The following PCDH9 variants were observed in gnomAD, a reference collection of about 807,000 sequenced individuals.
PCDH9 encodes the protein protocadherin 9, also known as protocadherin-9.
In PCDH9, 24 loss-of-function variants were observed where a neutral mutation model predicts 70.6. That is an observed-to-expected ratio of 0.34 (90% confidence interval 0.25 to 0.48). The LOEUF (loss-of-function observed/expected upper bound fraction) is 0.48. Ranked by LOEUF, PCDH9 falls within the 20% of genes least tolerant of loss-of-function variation. PCDH9 has a pLI of 0.99. For missense variants in PCDH9, 1,281 were observed against 1,503.6 expected (o/e 0.85, Z 2.45); for synonymous variants, 562 against 558.5 (o/e 1.01, Z -0.09).
intron 3 of PCDH9, among the ~76,000 whole-genome samples, chr13:66,807,900 C>A (rs2080436607): frequency 6.6e-6 from 1 of 152,100 alleles, no homozygotes; most frequent in Non-Finnish European, 1.5e-5. Flanking sequence ...CTAAAGAAGT[C>A]AGATATACAG....
At chr13:66,777,287 A>C (rs1383340185) in intron 3 of PCDH9, among the ~76,000 whole-genome samples, 2 of 151,750 alleles carry the variant, frequency 1.3e-5, no homozygotes, top group African/African-American at 4.8e-5. Flanking sequence ...AATGGGATCT[A>C]ATTAAACTAA....
intron 3 of PCDH9, among the ~76,000 whole-genome samples, chr13:66,838,692 T>C (rs2081065908): frequency 6.6e-6 from 1 of 152,134 alleles, no homozygotes; most frequent in Non-Finnish European, 1.5e-5. Context: ...TGTATGAGTT[T>C]ATAGCCATGT....
At chr13:66,397,260 A>C (rs984390943) in intron 4 of PCDH9, among the ~76,000 whole-genome samples, 1 of 152,066 alleles carries the variant, frequency 6.6e-6, no homozygotes, top group Non-Finnish European at 1.5e-5. Flanking sequence ...CTCTACAAAA[A>C]AATTTAAAAG....
At chr13:66,348,906 T>C (rs1238526213) in intron 4 of PCDH9, among the ~76,000 whole-genome samples, 1 of 152,152 alleles carries the variant, frequency 6.6e-6, no homozygotes, top group African/African-American at 2.4e-5. Flanking sequence ...TTATCACACT[T>C]GTAACCTTTC....
intron 2 of PCDH9, among the ~76,000 whole-genome samples, chr13:66,906,674 T>C (rs1375875340): frequency 6.6e-6 from 1 of 152,206 alleles, no homozygotes; most frequent in Admixed American, 6.5e-5. Context: ...TACTGTTCTT[T>C]CCTTACTTTT....
In PCDH9 at chr13:66,521,115, C is replaced by T. The variant is rs946646144; in HGVS notation, c.3340+110095G>A. Among the ~76,000 whole-genome samples, 32 of 152,112 alleles carry T rather than the reference C, an allele frequency of 2.1e-4. 1 individual carries two copies. The highest frequency in any genetic ancestry group is 2.4e-5 in the African/African-American group (1 of 41,416). On this transcript the variant is annotated intron_variant, in intron 4 of 4. Coordinates refer to ENST00000377865, the MANE Select transcript of PCDH9 (RefSeq NM_203487.3). Reference sequence around the variant, plus strand: ...CTTCATTTGGAAGACAGCTTGCATACCTATTCCAAAGATTAATGAGCAATC... The same window carrying T: ...CTTCATTTGGAAGACAGCTTGCATATCTATTCCAAAGATTAATGAGCAATC...
chr13:66,974,494 G>T (rs2139754605), intron 2 of PCDH9, among the ~76,000 whole-genome samples: 1 of 152,078 alleles, frequency 6.6e-6, no homozygotes, highest in Middle Eastern at 3.4e-3. Context: ...AAGAAGTAGG[G>T]AAGTGGGTAG....
chr13:66,965,687 T>G (rs2083423202), intron 2 of PCDH9, among the ~76,000 whole-genome samples: 1 of 152,092 alleles, frequency 6.6e-6, no homozygotes, highest in Admixed American at 6.6e-5. Flanking sequence ...ATTTATTGTA[T>G]TGCTTATGAA....
intron 4 of PCDH9, among the ~76,000 whole-genome samples, chr13:66,567,275 A>G (rs540087334): frequency 5.3e-5 from 8 of 152,078 alleles, no homozygotes; most frequent in Non-Finnish European, 1.2e-4. Flanking sequence ...ATTAGGGAGG[A>G]AAAGTTTGCA....
At chr13:66,376,600 A>G (rs1218562501) in intron 4 of PCDH9, among the ~76,000 whole-genome samples, 1 of 152,184 alleles carries the variant, frequency 6.6e-6, no homozygotes, top group African/African-American at 2.4e-5. Context: ...CCCAAACAAA[A>G]GAAAAAATAC....
In PCDH9 at chr13:67,228,479, T is replaced by C; in HGVS notation, c.-39A>G. 6.6e-7 allele frequency: 1 copy of C among 1,511,248 alleles called. No individual in the cohort carries two copies. The highest frequency in any genetic ancestry group is 2.3e-5 in the East Asian group (1 of 43,948). The allele number at this position is 1,511,248 out of a possible 1,614,324, so 93.6% of individuals were successfully genotyped here. On this transcript the variant is annotated 5_prime_UTR_variant, in exon 2 of 5. An upstream open reading frame in the 5' UTR loses its in-frame stop. Coordinates refer to ENST00000377865, the MANE Select transcript of PCDH9 (RefSeq NM_203487.3). ...TTTTCTTTTCCTGGATTTTAGGGTT[T>C]AAAGGTTTCCACTGAGGAATGATGC...
At chr13:67,078,208 C>G (rs969247001) in intron 2 of PCDH9, among the ~76,000 whole-genome samples, 1 of 152,108 alleles carries the variant, frequency 6.6e-6, no homozygotes, top group Non-Finnish European at 1.5e-5. Flanking sequence ...TTCTTCCCAC[C>G]AAAGGCTGAG....
chr13:66,809,307 T>C (rs542601378), intron 3 of PCDH9, among the ~76,000 whole-genome samples: 1 of 152,316 alleles, frequency 6.6e-6, no homozygotes, highest in African/African-American at 2.4e-5. Flanking sequence ...TTACCGTGTA[T>C]ACAATATATT....
intron 4 of PCDH9, among the ~76,000 whole-genome samples, chr13:66,395,312 A>G (rs112386064): frequency 7.7e-4 from 117 of 152,216 alleles, no homozygotes; most frequent in African/African-American, 2.7e-3. Context: ...AAATAAATAA[A>G]CTGAGTTTGG....
intron 2 of PCDH9, among the ~76,000 whole-genome samples, chr13:67,017,583 C>T (rs1376696661): frequency 1.3e-5 from 2 of 152,090 alleles, no homozygotes; most frequent in African/African-American, 4.8e-5. Context: ...ATTTTTGTCT[C>T]AAACATGAAA....
intron 2 of PCDH9, among the ~76,000 whole-genome samples, chr13:67,191,847 C>T (rs59998725): frequency 6.6e-6 from 1 of 152,132 alleles, no homozygotes. Context: ...ATTGAACTAA[C>T]TCAAAGATGA....
intron 3 of PCDH9, among the ~76,000 whole-genome samples, chr13:66,869,465 G>A (rs2081633444): frequency 6.6e-6 from 1 of 152,098 alleles, no homozygotes; most frequent in South Asian, 2.1e-4. Flanking sequence ...TTTTACACCA[G>A]AAGCAAAAGA....
intron 4 of PCDH9, among the ~76,000 whole-genome samples, chr13:66,587,059 G>A (rs148329024): frequency 0.03 from 4,632 of 152,166 alleles, 123 homozygotes; most frequent in Middle Eastern, 0.071. Flanking sequence ...ACTTTAGGAG[G>A]CCAAAGCAAG....
intron 3 of PCDH9, among the ~76,000 whole-genome samples, chr13:66,836,846 C>G (rs943327460): frequency 6.6e-6 from 1 of 152,150 alleles, no homozygotes; most frequent in Non-Finnish European, 1.5e-5. Flanking sequence ...GATGTACCAT[C>G]TGGAATAAGT....
Sources: gnomAD v4.1 joint callset for allele counts (sites outside exome capture counted in the v4.1 genomes callset) on GRCh38, gnomAD v4.1.1 for gene constraint, MANE v1.5 for transcripts, NCBI Gene and HGNC (gene_info 2026-07-23, HGNC 2026-07-21) for gene names.